The following NRP1 variants were observed in gnomAD, a reference collection of about 807,000 sequenced individuals.
NRP1 encodes neuropilin-1.
NRP1 carries 35 observed loss-of-function variants against 106.7 expected under a neutral mutation model. That is an observed-to-expected ratio of 0.33 (90% CI 0.25 to 0.43). The LOEUF is 0.43. NRP1 is among the 20% of genes least tolerant of loss of function. The pLI, the probability that NRP1 is intolerant of heterozygous loss-of-function variation, is 1.00. For missense variants in NRP1, 1,024 were observed against 1,170.4 expected, an observed-to-expected ratio of 0.87 and a Z score of 1.83; for synonymous variants, 437 against 417.9, an observed-to-expected ratio of 1.05 and a Z score of -0.56.
At chr10:33,286,965 T>C (rs1194820807) in intron 2 of NRP1, among the ~76,000 whole-genome samples, 1 of 152,184 alleles carries the variant, frequency 6.6e-6, no homozygotes, top group Non-Finnish European at 1.5e-5. Flanking sequence ...TTCCCAGACA[T>C]AGGCAAAATA....
chr10:33,196,554 C>T (rs979511768), intron 12 of NRP1, among the ~76,000 whole-genome samples: 2 of 152,254 alleles, frequency 1.3e-5, no homozygotes, highest in Middle Eastern at 3.4e-3. Context: ...TAGGACGACA[C>T]CATTTTCTGA....
intron 5 of NRP1, 150 bp from the exon 6 acceptor site, chr10:33,254,344 C>T (rs2133178095): frequency 3.3e-6 from 2 of 603,838 alleles, no homozygotes; most frequent in East Asian, 5.8e-5. Flanking sequence ...AGCACTGATA[C>T]TTGGATTTTC....
intron 16 of NRP1, among the ~76,000 whole-genome samples, chr10:33,182,255 T>C (rs1478408045): frequency 2.6e-5 from 4 of 152,118 alleles, no homozygotes; most frequent in African/African-American, 7.2e-5. Context: ...ATCTCAGAAA[T>C]TGGGCTCTGG....
At chr10:33,287,630 G>A (rs1047579652) in intron 2 of NRP1, among the ~76,000 whole-genome samples, 7 of 152,190 alleles carry the variant, frequency 4.6e-5, no homozygotes, top group Non-Finnish European at 7.3e-5. Context: ...ATAGCTAGTT[G>A]ACTTGATAAG....
intron 11 of NRP1, among the ~76,000 whole-genome samples, chr10:33,200,849 A>G (rs979508270): frequency 2.6e-5 from 4 of 152,242 alleles, no homozygotes; most frequent in African/African-American, 7.2e-5. Context: ...TTTAAAAAGA[A>G]AAAGACTGCC....
chr10:33,263,557 A>G, intron 4 of NRP1, 89 bp downstream of exon 4: 2 of 906,252 alleles, frequency 2.2e-6, no homozygotes, highest in Non-Finnish European at 1.7e-6. Flanking sequence ...GTTTTTTTTA[A>G]TGATTCATGT....
At chr10:33,330,023 A>G (rs1339136895) in intron 2 of NRP1, among the ~76,000 whole-genome samples, 1 of 152,246 alleles carries the variant, frequency 6.6e-6, no homozygotes, top group Non-Finnish European at 1.5e-5. Flanking sequence ...TAACAATAGA[A>G]AGAGATAGCA....
At chr10:33,196,668 G>T (rs1246540754) in intron 12 of NRP1, among the ~76,000 whole-genome samples, 3 of 152,158 alleles carry the variant, frequency 2.0e-5, no homozygotes. Context: ...CAGGGCAGCT[G>T]GGGGTTAAGT....
intron 2 of NRP1, among the ~76,000 whole-genome samples, chr10:33,304,642 C>G (rs959850572): frequency 2.0e-5 from 3 of 152,108 alleles, no homozygotes; most frequent in Non-Finnish European, 4.4e-5. Context: ...CTTATGTTCT[C>G]TGGGGGATGA....
chr10:33,180,371 GA>G lies in NRP1; in HGVS notation c.2483-7del, dbSNP rs763097857. On this transcript the variant is annotated splice_region_variant and splice_polypyrimidine_tract_variant and intron_variant, in intron 16 of 16. Transcript: ENST00000374867. Reference sequence around the variant, plus strand: ...TTCGTATCCTGGCGTGCTCCCTATGGAAAAAAACAATATTGTCTCCGTGAGC... The same window carrying G: ...TTCGTATCCTGGCGTGCTCCCTATGGAAAAAACAATATTGTCTCCGTGAGC... The G allele has an allele frequency of 1.1e-5, 17 of 1,567,974 alleles. No homozygotes were observed. The highest frequency in any genetic ancestry group is 2.7e-5 in the African/African-American group (2 of 72,858).
chr10:33,262,417 C>T (rs1842633520), intron 4 of NRP1, among the ~76,000 whole-genome samples: 1 of 152,014 alleles, frequency 6.6e-6, no homozygotes, highest in Non-Finnish European at 1.5e-5. Context: ...TAAGGTCTAA[C>T]CTCGGCCAGG....
At chr10:33,214,713 C>T (rs1445679919) in intron 8 of NRP1, among the ~76,000 whole-genome samples, 1 of 152,090 alleles carries the variant, frequency 6.6e-6, no homozygotes, top group Non-Finnish European at 1.5e-5. Context: ...AAAAAAAGGA[C>T]AAATATGGTC....
At chr10:33,194,182 G>C (rs538264346) in intron 12 of NRP1, among the ~76,000 whole-genome samples, 1 of 152,308 alleles carries the variant, frequency 6.6e-6, no homozygotes, top group East Asian at 1.9e-4. Context: ...TCAACTGAAC[G>C]GTGACTGAAT....
intron 2 of NRP1, among the ~76,000 whole-genome samples, chr10:33,305,527 G>A (rs1028972859): frequency 6.6e-6 from 1 of 151,986 alleles, no homozygotes; most frequent in East Asian, 1.9e-4. Flanking sequence ...TGAGGGGATC[G>A]TTGTCTCGGG....
At chr10:33,202,145 T>C (rs913132056) in intron 11 of NRP1, 1 of 152,426 alleles carries the variant, frequency 6.6e-6, no homozygotes, top group African/African-American at 2.4e-5. Context: ...CACGATACCT[T>C]TTGCAACCAC....
intron 6 of NRP1, among the ~76,000 whole-genome samples, chr10:33,246,707 C>A (rs1449853300): frequency 4.6e-5 from 7 of 152,066 alleles, no homozygotes; most frequent in Non-Finnish European, 1.5e-5. Flanking sequence ...ATTTGGGTAA[C>A]CCAGTGAGCT....
At chr10:33,232,057 C>T (rs1372783452) in intron 6 of NRP1, among the ~76,000 whole-genome samples, 1 of 152,094 alleles carries the variant, frequency 6.6e-6, no homozygotes, top group Non-Finnish European at 1.5e-5. Flanking sequence ...CCAAATCAAA[C>T]ACTACCCATC....
At chr10:33,241,135 A>T (rs1018370262) in intron 6 of NRP1, among the ~76,000 whole-genome samples, 1 of 152,240 alleles carries the variant, frequency 6.6e-6, no homozygotes. Context: ...CTAGGGCAGG[A>T]GAAAGGCAGT....
chr10:33,184,121 C>A (rs1588679747), intron 15 of NRP1, among the ~76,000 whole-genome samples: 1 of 152,160 alleles, frequency 6.6e-6, no homozygotes, highest in East Asian at 1.9e-4. Flanking sequence ...AAGCAATTCT[C>A]CTGCCTCAGC....
Sources: gnomAD v4.1 joint callset for allele counts (sites outside exome capture counted in the v4.1 genomes callset) on GRCh38, gnomAD v4.1.1 for gene constraint, MANE v1.5 for transcripts, NCBI Gene and HGNC (gene_info 2026-07-23, HGNC 2026-07-21) for gene names.